Variants in ARMH3 observed in about 807,000 individuals in gnomAD.
The protein encoded by ARMH3 is armadillo-like helical domain-containing protein 3.
A neutral mutation model predicts 99.1 loss-of-function variants in ARMH3; 60 were observed. That is an observed-to-expected ratio of 0.61 (90% CI 0.49 to 0.75). ARMH3 has a LOEUF of 0.75. ARMH3 is among the 30% of genes least tolerant of loss of function. ARMH3 has a pLI of 0.00. For missense variants in ARMH3, 679 were observed against 843.1 expected (o/e 0.81, Z 2.41); for synonymous variants, 285 against 292.8 (o/e 0.97, Z 0.27).
At chr10:102,033,985 A>G (rs1483587350) in intron 2 of ARMH3, among the ~76,000 whole-genome samples, 4 of 152,234 alleles carry the variant, frequency 2.6e-5, no homozygotes, top group Non-Finnish European at 5.9e-5. Flanking sequence ...TTTCAAACCT[A>G]TTCACATATG....
intron 23 of ARMH3, among the ~76,000 whole-genome samples, chr10:101,914,793 G>A (rs1462188422): frequency 3.5e-5 from 5 of 144,912 alleles, no homozygotes; most frequent in African/African-American, 1.3e-4. Context: ...TTGAACCTGC[G>A]AGGTGGAGGT....
rs889879298 is a variant in ARMH3 at position 101,847,468 on chromosome 10, C to G, written c.*60G>C. On this transcript the variant is annotated 3_prime_UTR_variant, in exon 26 of 26. Transcript: ENST00000370033. ...GGCAGCCCCCTCTCCCCTCGCTCCCCCTCCAGCCCATGATCCTCATGGGTA... is the reference window on the plus strand; with the variant it reads ...GGCAGCCCCCTCTCCCCTCGCTCCCGCTCCAGCCCATGATCCTCATGGGTA... 2.3e-5 allele frequency: 35 copies of G among 1,547,032 alleles called. No homozygotes were observed. In the African/African-American group the frequency reaches 4.1e-4, roughly 18 times the overall value.
intron 5 of ARMH3, 76 bp downstream of exon 5, chr10:102,029,562 A>G (rs1258828741): frequency 6.2e-7 from 1 of 1,613,996 alleles, no homozygotes. Context: ...CTTTGAGTAC[A>G]TTTGTCTGCT....
chr10:102,017,508 G>A (rs1348141431), intron 8 of ARMH3, among the ~76,000 whole-genome samples: 4 of 152,216 alleles, frequency 2.6e-5, no homozygotes, highest in Non-Finnish European at 4.4e-5. Context: ...CATTGCCTCA[G>A]AGTGGACTGC....
intron 24 of ARMH3, among the ~76,000 whole-genome samples, chr10:101,888,775 A>G (rs907577288): frequency 7.2e-5 from 11 of 152,234 alleles, no homozygotes; most frequent in African/African-American, 2.7e-4. Flanking sequence ...TTGACACATC[A>G]AGTTCAATCC....
At chr10:101,955,288 TAAA>T (rs1468714086) in intron 22 of ARMH3, among the ~76,000 whole-genome samples, 1 of 152,234 alleles carries the variant, frequency 6.6e-6, no homozygotes, top group Non-Finnish European at 1.5e-5. Context: ...GGAGATATTT[TAAA>T]AACCTGGGTC....
chr10:102,039,054 G>A (rs1346085538), intron 2 of ARMH3, among the ~76,000 whole-genome samples: 1 of 151,868 alleles, frequency 6.6e-6, no homozygotes, highest in Non-Finnish European at 1.5e-5. Context: ...AATTCTTTTT[G>A]TAAGTATTAT....
intron 17 of ARMH3, 118 bp from the exon 18 acceptor site, chr10:101,992,156 TTC>T (rs1397207593): frequency 2.3e-6 from 2 of 868,886 alleles, no homozygotes; most frequent in Admixed American, 2.0e-5. Flanking sequence ...TTCCTTTTCT[TTC>T]TCTTTTTCAC....
At position 101,995,977 on chromosome 10, in the gene ARMH3, T is replaced by C. The variant is rs142689259; in HGVS notation, c.1151-622A>G. ...GGCACTGTGCAAGGCACTAGAGATA[T>C]AGCACTGAATAAAACAGACAAAGGT... On this transcript the variant is annotated intron_variant, in intron 15 of 25. Coordinates refer to ENST00000370033, the MANE Select transcript of ARMH3 (RefSeq NM_024541.3). Among the ~76,000 whole-genome samples the C allele has an allele frequency of 5.6e-4, 85 of 152,346 alleles. 1 individual carries two copies. In the East Asian group the frequency reaches 0.016, roughly 28 times the overall value.
chr10:102,032,864 G>C, intron 4 of ARMH3, 162 bp downstream of exon 4: 1 of 719,080 alleles, frequency 1.4e-6, no homozygotes, highest in Non-Finnish European at 2.2e-6. Context: ...TGTATAAATA[G>C]AAAGATGGCT....
intron 8 of ARMH3, among the ~76,000 whole-genome samples, chr10:102,020,998 TAC>T (rs1486354995): frequency 1.3e-5 from 2 of 152,202 alleles, no homozygotes; most frequent in Non-Finnish European, 2.9e-5. Flanking sequence ...ATGATTTTTT[TAC>T]AGTTTTTTTC....
intron 24 of ARMH3, among the ~76,000 whole-genome samples, chr10:101,885,426 G>A (rs916425061): frequency 6.6e-6 from 1 of 152,192 alleles, no homozygotes; most frequent in South Asian, 2.1e-4. Flanking sequence ...GTATATACAT[G>A]CAATGGAATA....
chr10:101,961,719 ATCCACTTG>A (rs923444221), intron 20 of ARMH3, among the ~76,000 whole-genome samples: 1 of 152,200 alleles, frequency 6.6e-6, no homozygotes, highest in African/African-American at 2.4e-5. Context: ...ACTGCCCTTG[ATCCACTTG>A]TCCACTTGAT....
chr10:102,046,321 GA>G (rs2067549555), intron 1 of ARMH3, among the ~76,000 whole-genome samples: 1 of 148,148 alleles, frequency 6.8e-6, no homozygotes, highest in African/African-American at 2.5e-5. Context: ...AGAAAAGAGA[GA>G]GAAAGAGAAA....
intron 23 of ARMH3, among the ~76,000 whole-genome samples, chr10:101,893,510 T>TACC (rs1275752477): frequency 6.6e-6 from 1 of 152,020 alleles, no homozygotes; most frequent in Admixed American, 6.6e-5. Flanking sequence ...CTAGCTTCTG[T>TACC]CTGGGTGGAA....
intron 1 of ARMH3, among the ~76,000 whole-genome samples, chr10:102,052,326 C>A (rs955459544): frequency 2.0e-5 from 3 of 152,084 alleles, no homozygotes; most frequent in African/African-American, 7.2e-5. Context: ...TGGGCTTACA[C>A]GACCCTCCCA....
chr10:101,947,280 G>A (rs2135755537), intron 22 of ARMH3, among the ~76,000 whole-genome samples: 1 of 152,176 alleles, frequency 6.6e-6, no homozygotes, highest in South Asian at 2.1e-4. Flanking sequence ...AGAAACCATG[G>A]AGGCCAGAAA....
intron 1 of ARMH3, among the ~76,000 whole-genome samples, chr10:102,045,221 G>C (rs140938452): frequency 6.6e-6 from 1 of 151,490 alleles, no homozygotes; most frequent in African/African-American, 2.4e-5. Flanking sequence ...TCATTCATTC[G>C]ACAAATTTTT....
At chr10:102,014,535 G>A (rs925346813) in intron 8 of ARMH3, among the ~76,000 whole-genome samples, 18 of 152,136 alleles carry the variant, frequency 1.2e-4, no homozygotes, top group Non-Finnish European at 2.5e-4. Flanking sequence ...TCACCCACCC[G>A]TAAAGCAAAG....
Sources: gnomAD v4.1 joint callset for allele counts (sites outside exome capture counted in the v4.1 genomes callset) on GRCh38, gnomAD v4.1.1 for gene constraint, MANE v1.5 for transcripts, NCBI Gene and HGNC (gene_info 2026-07-23, HGNC 2026-07-21) for gene names.